The following COL19A1 variants were observed in gnomAD, a reference collection of about 807,000 sequenced individuals.
COL19A1 encodes collagen type XIX alpha 1 chain.
Under a neutral mutation model 190.2 loss-of-function variants are expected in COL19A1, and 159 were observed. The ratio of observed to expected loss-of-function variants is 0.84; its 90% CI spans 0.73 to 0.95. The LOEUF is 0.95. Ranked by LOEUF, COL19A1 falls within the 40% of genes least tolerant of loss-of-function variation. COL19A1 has a pLI of 0.00. For synonymous variants in COL19A1, 509 were observed against 458.9 expected (o/e 1.11, Z -1.39); for missense variants, 1,418 against 1,431.9 (o/e 0.99, Z 0.16).
chr6:70,200,083 T>C (rs1210273327), intron 49 of COL19A1, among the ~76,000 whole-genome samples: 1 of 152,186 alleles, frequency 6.6e-6, no homozygotes, highest in African/African-American at 2.4e-5. Flanking sequence ...GCTTCCCCTT[T>C]TGGTGTAAGT....
intron 17 of COL19A1, among the ~76,000 whole-genome samples, chr6:70,128,156 G>T (rs939454134): frequency 6.6e-6 from 1 of 152,140 alleles, no homozygotes; most frequent in Non-Finnish European, 1.5e-5. Flanking sequence ...ATTGCTTCTA[G>T]AATTTACAAG....
intron 4 of COL19A1, among the ~76,000 whole-genome samples, chr6:69,909,423 A>G (rs1770762723): frequency 6.6e-6 from 1 of 152,124 alleles, no homozygotes; most frequent in African/African-American, 2.4e-5. Context: ...TAAATGTTCA[A>G]CGGAACAAAT....
chr6:69,872,595 A>G (rs1767907311), intron 1 of COL19A1, among the ~76,000 whole-genome samples: 1 of 152,230 alleles, frequency 6.6e-6, no homozygotes, highest in Admixed American at 6.5e-5. Context: ...TGAAGGGACA[A>G]TGGCGTTTTA....
Position 70,065,339 on chromosome 6 carries a change from C to G in COL19A1, c.1171-3084C>G, listed in dbSNP as rs186160542. ...ACTATCTGATCTTTGACAAACCTGA[C>G]AAAAACAAGAAATGGGGAAAGGATT... On this transcript the variant is annotated intron_variant, in intron 14 of 50. Coordinates refer to ENST00000620364, the MANE Select transcript of COL19A1 (RefSeq NM_001858.6). Among the ~76,000 whole-genome samples, 1,037 of 152,130 alleles carry G rather than the reference C, an allele frequency of 6.8e-3. 6 individuals carry two copies. Among genetic ancestry groups the G allele is most frequent in the Middle Eastern group, 0.027 (8 of 294 alleles).
At chr6:70,187,925 T>C (rs1766627082) in intron 46 of COL19A1, 150 bp from the exon 47 acceptor site, 2 of 865,978 alleles carry the variant, frequency 2.3e-6, no homozygotes, top group Non-Finnish European at 3.5e-6. Context: ...ATGCCCACTT[T>C]GTAGGAGAGG....
intron 49 of COL19A1, among the ~76,000 whole-genome samples, chr6:70,204,258 A>G (rs1767729619): frequency 6.6e-6 from 1 of 152,194 alleles, no homozygotes; most frequent in Admixed American, 6.5e-5. Flanking sequence ...AGAGGTGAAA[A>G]GCTTAATTCT....
intron 7 of COL19A1, 93 bp from the exon 8 acceptor site, chr6:69,936,692 C>T (rs1773133310): frequency 1.3e-6 from 2 of 1,502,348 alleles, no homozygotes; most frequent in Non-Finnish European, 9.0e-7. Flanking sequence ...TGCAGGCAAC[C>T]TCAGCAATCC....
chr6:70,105,638 T>G (rs577037329), intron 16 of COL19A1, among the ~76,000 whole-genome samples: 1 of 152,140 alleles, frequency 6.6e-6, no homozygotes, highest in Non-Finnish European at 1.5e-5. Flanking sequence ...ATTGAACCCT[T>G]TATGACATGC....
In COL19A1 at chr6:70,016,340, C is replaced by T. The variant is rs571458297; in HGVS notation, c.1027-7287C>T. Among the ~76,000 whole-genome samples, 260 of 68,914 alleles carry T rather than the reference C, an allele frequency of 3.8e-3. 9 individuals carry two copies. In the Middle Eastern group the frequency reaches 0.057, roughly 15 times the overall value. 45.2% of individuals were successfully genotyped at this position (68,914 alleles called of 152,430 possible). A position where few individuals can be genotyped will look rare whatever the true frequency, so the allele number is the denominator to read the frequency against. On this transcript the variant is annotated intron_variant, in intron 11 of 50. Coordinates refer to ENST00000620364, the MANE Select transcript of COL19A1 (RefSeq NM_001858.6). ...ATGTAACTAACCTGCACAATGTGCA[C>T]ATGTACCCTAAAACTTAGAGTATAA... is the stretch of plus-strand genomic sequence containing the variant.
chr6:69,979,677 T>A (rs557663734), intron 11 of COL19A1, among the ~76,000 whole-genome samples: 1 of 151,762 alleles, frequency 6.6e-6, no homozygotes, highest in South Asian at 2.1e-4. Flanking sequence ...ACTACCTTTT[T>A]TTACTAATGA....
Position 70,188,240 on chromosome 6 carries a change from A to T in COL19A1, c.3022A>T (p.Ile1008Phe), listed in dbSNP as rs767401835. 1 of 1,608,438 alleles carries T rather than the reference A, an allele frequency of 6.2e-7. No individual in the cohort carries two copies. The highest frequency in any genetic ancestry group is 1.1e-5 in the South Asian group (1 of 89,584). ...TCCAGGCTCTCCAGGCATCCCTGGC[A>T]TTCCGGTAAGTAGTGCTAAGACGCT... is the stretch of plus-strand genomic sequence containing the variant. ...GPPGSPGIPG[I>F]PADAVSFEEI... The change falls in exon 47 of 51, where the codon ATT (isoleucine) becomes TTT (phenylalanine). Residue 1008 changes from isoleucine (I) to phenylalanine (F), a missense_variant. By Grantham distance (21) the Ile-to-Phe change is conservative. Coordinates refer to ENST00000620364, the MANE Select transcript of COL19A1 (RefSeq NM_001858.6).
intron 17 of COL19A1, among the ~76,000 whole-genome samples, chr6:70,127,980 T>C (rs1346978566): frequency 6.6e-6 from 1 of 152,234 alleles, no homozygotes; most frequent in African/African-American, 2.4e-5. Context: ...ATGGAATTCC[T>C]GCTCAATTTA....
chr6:69,976,668 A>C (rs893240009), intron 11 of COL19A1, among the ~76,000 whole-genome samples: 4 of 152,212 alleles, frequency 2.6e-5, no homozygotes, highest in African/African-American at 7.2e-5. Flanking sequence ...GTTCATTGTA[A>C]GGTTTAGAGT....
chr6:69,943,866 A>G (rs1773622892), intron 9 of COL19A1, among the ~76,000 whole-genome samples: 1 of 152,150 alleles, frequency 6.6e-6, no homozygotes, highest in Non-Finnish European at 1.5e-5. Flanking sequence ...ATTATGAGTT[A>G]GACAATTATT....
intron 12 of COL19A1, among the ~76,000 whole-genome samples, chr6:70,033,211 G>C (rs1779164130): frequency 6.6e-6 from 1 of 152,048 alleles, no homozygotes; most frequent in African/African-American, 2.4e-5. Context: ...ATTATTTTAA[G>C]TATCTAATTT....
At chr6:70,092,335 A>G (rs1031122862) in intron 15 of COL19A1, among the ~76,000 whole-genome samples, 8 of 152,130 alleles carry the variant, frequency 5.3e-5, no homozygotes, top group Admixed American at 5.2e-4. Flanking sequence ...TGCTGAGGTC[A>G]TCTATAACCA....
At position 69,971,331 on chromosome 6, in the gene COL19A1, AC is replaced by A. The variant is rs578150855; in HGVS notation, c.1026+8462del. ...TTAAATGTGTTTTCTTATTTGTGTC[AC>A]TGGTGACTTTAGCAAAATAATTTTG... On this transcript the variant is annotated intron_variant, in intron 11 of 50. Transcript: ENST00000620364. Among the ~76,000 whole-genome samples, 127 of 151,996 alleles carry A rather than the reference AC, an allele frequency of 8.4e-4. 1 individual carries two copies. Among genetic ancestry groups the A allele is most frequent in the Middle Eastern group, 3.4e-3 (1 of 294 alleles).
intron 4 of COL19A1, 122 bp from the exon 5 acceptor site, chr6:69,927,787 A>G (rs1772492560): frequency 1.6e-6 from 2 of 1,256,592 alleles, no homozygotes; most frequent in Non-Finnish European, 2.2e-6. Context: ...AAAGTGCATA[A>G]GTTACACATT....
At position 70,192,944 on chromosome 6, in the gene COL19A1, G is replaced by A. The variant is rs76940800; in HGVS notation, c.3094+2563G>A. 7.4e-3 allele frequency among the ~76,000 whole-genome samples: 1,133 copies of A among 152,284 alleles called. 21 individuals are homozygous for A. The highest frequency in any genetic ancestry group is 0.026 in the African/African-American group (1,067 of 41,546). On this transcript the variant is annotated intron_variant, in intron 48 of 50. Transcript: ENST00000620364. The stretch of plus-strand genomic sequence containing the variant: ...CTTTAACTCTTAATCCCTATGGGCT[G>A]TAGTGTCTTTATTTATCTTTTATCT...
Sources: gnomAD v4.1 joint callset for allele counts (sites outside exome capture counted in the v4.1 genomes callset) on GRCh38, gnomAD v4.1.1 for gene constraint, MANE v1.5 for transcripts, NCBI Gene and HGNC (gene_info 2026-07-23, HGNC 2026-07-21) for gene names.